The following ARB2A variants were observed in gnomAD, a reference collection of about 807,000 sequenced individuals.
ARB2A encodes the protein ARB2 cotranscriptional regulator A.
chr5:93,807,652 A>C, the ARB2A span, among the ~76,000 whole-genome samples: 2 of 151,994 alleles, frequency 1.3e-5, no homozygotes, highest in Non-Finnish European at 2.9e-5. Flanking sequence ...CGTTTAAGAG[A>C]TCATCTTTAA....
At chr5:93,801,168 G>C in the ARB2A span, among the ~76,000 whole-genome samples, 1 of 152,138 alleles carries the variant, frequency 6.6e-6, no homozygotes, top group Non-Finnish European at 1.5e-5. Flanking sequence ...CAGCTGGCAA[G>C]GGATCTAAGC....
the ARB2A span, among the ~76,000 whole-genome samples, chr5:93,832,494 T>C: frequency 1.3e-5 from 2 of 152,104 alleles, no homozygotes; most frequent in Non-Finnish European, 2.9e-5. Flanking sequence ...CACTTAAGAG[T>C]GAATGCTATG....
chr5:93,839,528 GGCC>G, the ARB2A span, among the ~76,000 whole-genome samples: 4 of 152,086 alleles, frequency 2.6e-5, no homozygotes, highest in African/African-American at 9.7e-5. Flanking sequence ...GGATGATGCT[GGCC>G]TTATAGAATG....
chr5:93,705,645 GTGTGTGTATATA>G, the ARB2A span, among the ~76,000 whole-genome samples: 4 of 146,296 alleles, frequency 2.7e-5, no homozygotes, highest in African/African-American at 1.1e-4. Context: ...GTGTGTGTGT[GTGTGTGTATATA>G]TATATATATA....
the ARB2A span, among the ~76,000 whole-genome samples, chr5:93,812,425 C>A: frequency 6.6e-6 from 1 of 152,116 alleles, no homozygotes; most frequent in African/African-American, 2.4e-5. Flanking sequence ...TGTCGGCAGA[C>A]AGGCTACTAG....
chr5:93,986,939 T>A, the ARB2A span, among the ~76,000 whole-genome samples: 6 of 152,138 alleles, frequency 3.9e-5, no homozygotes, highest in African/African-American at 1.4e-4. Flanking sequence ...GTTTATCTGC[T>A]GACCTTCTCT....
chr5:93,835,952 G>A, the ARB2A span, among the ~76,000 whole-genome samples: 312 of 152,328 alleles, frequency 2.0e-3, 1 homozygote, highest in Non-Finnish European at 3.6e-3. Flanking sequence ...AGATAGTCTA[G>A]TCTGCTGGAT....
At chr5:93,652,525 G>C in the ARB2A span, among the ~76,000 whole-genome samples, 3 of 152,110 alleles carry the variant, frequency 2.0e-5, no homozygotes, top group Non-Finnish European at 1.5e-5. Context: ...ACTACATTTA[G>C]CAAAATTACC....
chr5:94,000,951 T>C, the ARB2A span, among the ~76,000 whole-genome samples: 1 of 152,112 alleles, frequency 6.6e-6, no homozygotes, highest in African/African-American at 2.4e-5. Flanking sequence ...CAAAAATCAG[T>C]TGACCATTTT....
the ARB2A span, among the ~76,000 whole-genome samples, chr5:93,853,680 G>T: frequency 3.9e-5 from 6 of 152,222 alleles, no homozygotes; most frequent in South Asian, 8.3e-4. Context: ...GTTGTTGAAT[G>T]TTGTCAAAGG....
chr5:93,862,694 A>G, the ARB2A span: 1 of 152,100 alleles, frequency 6.6e-6, no homozygotes, highest in Non-Finnish European at 1.5e-5. Flanking sequence ...GAAGAGAGAG[A>G]GTCAAGAAAA....
the ARB2A span, among the ~76,000 whole-genome samples, chr5:93,982,667 G>A: frequency 6.6e-6 from 1 of 152,190 alleles, no homozygotes; most frequent in African/African-American, 2.4e-5. Flanking sequence ...ACATGGTATA[G>A]CCTACTACTC....
chr5:93,799,459 C>G, the ARB2A span, among the ~76,000 whole-genome samples: 1 of 152,080 alleles, frequency 6.6e-6, no homozygotes, highest in African/African-American at 2.4e-5. Context: ...AACACTGCTT[C>G]TCTGGCTTGA....
chr5:93,856,145 C>G, the ARB2A span, among the ~76,000 whole-genome samples: 1 of 152,166 alleles, frequency 6.6e-6, no homozygotes, highest in African/African-American at 2.4e-5. Context: ...AGGGTTTCTG[C>G]CAAGAGATCC....
the ARB2A span, among the ~76,000 whole-genome samples, chr5:93,831,009 C>A: frequency 6.6e-6 from 1 of 152,080 alleles, no homozygotes; most frequent in Admixed American, 6.5e-5. Flanking sequence ...CCCTCACATG[C>A]GCAGTTCACA....
At chr5:93,928,507 T>C in the ARB2A span, among the ~76,000 whole-genome samples, 1 of 152,204 alleles carries the variant, frequency 6.6e-6, no homozygotes, top group Non-Finnish European at 1.5e-5. Context: ...ACAATGCTTA[T>C]TACAAATGAA....
the ARB2A span, among the ~76,000 whole-genome samples, chr5:94,041,220 C>T: frequency 6.6e-6 from 1 of 151,582 alleles, no homozygotes; most frequent in Non-Finnish European, 1.5e-5. Flanking sequence ...TGCAGTGAAT[C>T]TAGTGTGCTT....
the ARB2A span, among the ~76,000 whole-genome samples, chr5:93,790,911 C>A: frequency 6.6e-6 from 1 of 152,072 alleles, no homozygotes; most frequent in East Asian, 1.9e-4. Flanking sequence ...GAGAATAATA[C>A]CAGTAGTCTC....
chr5:93,824,338 T>C, the ARB2A span: 1 of 1,130,128 alleles, frequency 8.8e-7, no homozygotes, highest in African/African-American at 1.6e-5. Flanking sequence ...ACAATTAAAT[T>C]ATATGCTTGC....
Sources: gnomAD v4.1 joint callset for allele counts (sites outside exome capture counted in the v4.1 genomes callset) on GRCh38, gnomAD v4.1.1 for gene constraint, MANE v1.5 for transcripts, NCBI Gene and HGNC (gene_info 2026-07-23, HGNC 2026-07-21) for gene names.